The following ZNF385D variants were observed in gnomAD, a reference collection of about 807,000 sequenced individuals.
The protein encoded by ZNF385D is zinc finger protein 659.
Under a neutral mutation model 35.8 loss-of-function variants are expected in ZNF385D, and 15 were observed. The observed-to-expected ratio is 0.42, with a 90% CI of 0.28 to 0.64. The LOEUF is 0.64. ZNF385D is among the 30% of genes least tolerant of loss of function. ZNF385D has a pLI of 0.23. For synonymous variants in ZNF385D, 212 were observed against 186.8 expected (o/e 1.13, Z -1.10); for missense variants, 474 against 494.6 (o/e 0.96, Z 0.39).
At chr3:22,350,737 C>T (rs1252032274) in intron 2 of ZNF385D, among the ~76,000 whole-genome samples, 1 of 151,922 alleles carries the variant, frequency 6.6e-6, no homozygotes, top group Non-Finnish European at 1.5e-5. Flanking sequence ...AGAATGAATA[C>T]ACTTCTTGAC....
chr3:22,367,316 C>G (rs1183698246), intron 2 of ZNF385D, among the ~76,000 whole-genome samples: 1 of 151,956 alleles, frequency 6.6e-6, no homozygotes, highest in Non-Finnish European at 1.5e-5. Flanking sequence ...AGAAAAAAAA[C>G]AAGGATTCAA....
In ZNF385D at chr3:21,437,092, G is replaced by A. The variant is rs766300939; in HGVS notation, c.551C>T (p.Ala184Val). 2.5e-6 allele frequency: 4 copies of A among 1,613,962 alleles called. No homozygotes were observed. In the East Asian group the frequency reaches 8.9e-5, roughly 36 times the overall value. ...AGAAGGACATGAGCTATTGCCAGTG[G>A]CTGTCGTTGGGCTTTTTTCCACTTT... The part of the protein sequence containing the change: ...TSKVEKSPTT[A>V]TGNSSCPSTE... The change falls in exon 5 of 8, where the codon GCC (alanine) becomes GTC (valine). Residue 184 changes from alanine to valine, a missense_variant. Transcript: ENST00000281523.
chr3:22,112,779 A>G (rs949838612), intron 3 of ZNF385D, among the ~76,000 whole-genome samples: 1 of 152,128 alleles, frequency 6.6e-6, no homozygotes, highest in African/African-American at 2.4e-5. Flanking sequence ...GTCAAGAAAT[A>G]CAAACTTCAT....
At chr3:21,424,318 T>TATATATATTTATATATATATACTTATATA (rs375587956) in intron 6 of ZNF385D, among the ~76,000 whole-genome samples, 6 of 41,826 alleles carry the variant, frequency 1.4e-4, no homozygotes, top group Non-Finnish European at 2.1e-4. Context: ...TATATATATA[T>TATATATATTTATATATATATACTTATATA]TTTTTTTTTT....
chr3:22,019,034 C>CTTTTTTTT lies in ZNF385D; in HGVS notation c.325+149775_325+149782dup, dbSNP rs11380195. Among the ~76,000 whole-genome samples the CTTTTTTTT allele has an allele frequency of 3.4e-3, 222 of 64,446 alleles. 26 individuals are homozygous for CTTTTTTTT. Among genetic ancestry groups the CTTTTTTTT allele is most frequent in the Middle Eastern group, 0.031 (2 of 64 alleles). The allele number at this position is 64,446 out of a possible 152,430, so 42.3% of individuals were successfully genotyped here. ...CAGTTTCATGGATAGAGTTATTTAC[C>CTTTTTTTT]TTTTTTTTTTTTTTTTTTTTTTTTT... On this transcript the variant is annotated intron_variant, in intron 3 of 5. Transcript: ENST00000494108.
At chr3:21,908,129 T>G (rs1183332789) in intron 3 of ZNF385D, among the ~76,000 whole-genome samples, 1 of 139,954 alleles carries the variant, frequency 7.1e-6, no homozygotes, top group Non-Finnish European at 1.6e-5. Context: ...TATCTATCTA[T>G]CTATCTATCT....
chr3:21,558,676 C>T (rs1005702782), intron 3 of ZNF385D, among the ~76,000 whole-genome samples: 1 of 152,016 alleles, frequency 6.6e-6, no homozygotes, highest in Admixed American at 6.6e-5. Flanking sequence ...CCCGCTTGGC[C>T]CAGAGCTGAG....
chr3:21,816,781 T>C (rs1056151379), intron 3 of ZNF385D, among the ~76,000 whole-genome samples: 6 of 152,190 alleles, frequency 3.9e-5, no homozygotes, highest in African/African-American at 1.4e-4. Context: ...ATAGATTCAA[T>C]GCCATCCCCA....
At position 21,412,368 on chromosome 3, in the gene ZNF385D, G is replaced by A. The variant is rs898686058; in HGVS notation, c.*8846C>T. 6.6e-6 allele frequency: 1 copy of A among 151,996 alleles called. No individual in the cohort carries two copies. Among genetic ancestry groups the A allele is most frequent in the Non-Finnish European group, 1.5e-5 (1 of 67,958 alleles). The allele number at this position is 151,996 out of a possible 1,614,324, so 9.4% of individuals were successfully genotyped here. A position where few individuals can be genotyped will look rare whatever the true frequency, so the allele number is the denominator to read the frequency against. ...AGGTTTACCATAACTCTCAGAACAG[G>A]AGTATATTACAAACAAGTGGAATAG... On this transcript the variant is annotated 3_prime_UTR_variant, in exon 8 of 8. Coordinates refer to ENST00000281523, the MANE Select transcript of ZNF385D (RefSeq NM_024697.3).
intron 2 of ZNF385D, among the ~76,000 whole-genome samples, chr3:22,315,079 G>A (rs1016231675): frequency 1.3e-5 from 2 of 152,094 alleles, no homozygotes; most frequent in Non-Finnish European, 2.9e-5. Flanking sequence ...CCAGGTTATC[G>A]TGATAGGTAA....
intron 4 of ZNF385D, among the ~76,000 whole-genome samples, chr3:21,495,424 G>A (rs1388780562): frequency 6.6e-6 from 1 of 151,944 alleles, no homozygotes; most frequent in African/African-American, 2.4e-5. Flanking sequence ...ATAGTTACAT[G>A]GAAATTAAAC....
chr3:22,163,367 C>T (rs961039494), intron 3 of ZNF385D, among the ~76,000 whole-genome samples: 1 of 152,142 alleles, frequency 6.6e-6, no homozygotes, highest in South Asian at 2.1e-4. Flanking sequence ...TTAGTCTTAA[C>T]TGCAGGAACA....
At chr3:21,787,198 C>G (rs2071723682) in intron 3 of ZNF385D, among the ~76,000 whole-genome samples, 1 of 152,108 alleles carries the variant, frequency 6.6e-6, no homozygotes, top group African/African-American at 2.4e-5. Context: ...GAAAGATCAG[C>G]TCACTGAACT....
intron 3 of ZNF385D, among the ~76,000 whole-genome samples, chr3:21,999,036 T>C (rs1695669068): frequency 6.6e-6 from 1 of 152,230 alleles, no homozygotes; most frequent in African/African-American, 2.4e-5. Flanking sequence ...TTTAAAAGGC[T>C]TTACTACACC....
chr3:22,104,148 G>C (rs2125630656), intron 3 of ZNF385D, among the ~76,000 whole-genome samples: 1 of 152,132 alleles, frequency 6.6e-6, no homozygotes, highest in African/African-American at 2.4e-5. Context: ...GTCCAGCTCT[G>C]AGGGAAAATG....
At chr3:21,938,122 A>G (rs1701348109) in intron 3 of ZNF385D, among the ~76,000 whole-genome samples, 1 of 152,222 alleles carries the variant, frequency 6.6e-6, no homozygotes, top group South Asian at 2.1e-4. Context: ...TTAGAATTTC[A>G]TTTTTGATGT....
intron 3 of ZNF385D, among the ~76,000 whole-genome samples, chr3:22,075,472 C>T (rs1477631272): frequency 6.6e-6 from 1 of 151,776 alleles, no homozygotes; most frequent in East Asian, 1.9e-4. Context: ...TGATTCTCTG[C>T]CCTCATCATC....
At chr3:22,037,498 C>A (rs1273319418) in intron 3 of ZNF385D, among the ~76,000 whole-genome samples, 1 of 152,204 alleles carries the variant, frequency 6.6e-6, no homozygotes, top group East Asian at 1.9e-4. Context: ...CTGTTGGCTG[C>A]ATAAATGTCT....
chr3:22,088,984 G>A (rs1424913692), intron 3 of ZNF385D, among the ~76,000 whole-genome samples: 1 of 152,104 alleles, frequency 6.6e-6, no homozygotes, highest in South Asian at 2.1e-4. Flanking sequence ...TTTAATTGAA[G>A]ATTGTAAATT....
Sources: allele counts gnomAD v4.1 joint callset (sites outside exome capture counted in the v4.1 genomes callset), GRCh38; gene constraint gnomAD v4.1.1; transcripts MANE v1.5; gene names NCBI Gene and HGNC (gene_info 2026-07-23, HGNC 2026-07-21).